Variants in KCTD8 observed in about 807,000 individuals in gnomAD.
KCTD8 encodes BTB/POZ domain-containing protein KCTD8.
A neutral mutation model predicts 31.5 loss-of-function variants in KCTD8; 27 were observed. The observed-to-expected ratio is 0.86, with a 90% confidence interval of 0.63 to 1.18. The LOEUF (loss-of-function observed/expected upper bound fraction) is 1.18. Among genes scored for constraint, KCTD8 ranks in the 50% most tolerant of loss-of-function variants. The pLI is 0.00. For missense variants in KCTD8, 658 were observed against 647.7 expected, an observed-to-expected ratio of 1.02 and a Z score of -0.17; for synonymous variants, 290 against 280.0, an observed-to-expected ratio of 1.04 and a Z score of -0.36.
intron 1 of KCTD8, among the ~76,000 whole-genome samples, chr4:44,247,650 T>C (rs1456774239): frequency 1.3e-5 from 2 of 151,892 alleles, no homozygotes; most frequent in East Asian, 1.9e-4. Flanking sequence ...GCAATCACCA[T>C]TGTACCCTCT....
At chr4:44,357,347 C>A (rs1427532676) in intron 1 of KCTD8, among the ~76,000 whole-genome samples, 1 of 152,122 alleles carries the variant, frequency 6.6e-6, no homozygotes, top group Non-Finnish European at 1.5e-5. Flanking sequence ...GTTACCAAAC[C>A]ACTGGCATCA....
chr4:44,206,676 A>G (rs1186296399), intron 1 of KCTD8, among the ~76,000 whole-genome samples: 3 of 152,056 alleles, frequency 2.0e-5, no homozygotes, highest in African/African-American at 7.2e-5. Flanking sequence ...TACCCCAATG[A>G]GATTGAAAGC....
chr4:44,437,550 G>T (rs1721696552), intron 1 of KCTD8, among the ~76,000 whole-genome samples: 1 of 151,738 alleles, frequency 6.6e-6, no homozygotes, highest in Non-Finnish European at 1.5e-5. Context: ...GATTTTTTTT[G>T]AAAATCGTTA....
rs183294376 is a variant in KCTD8, at chr4:44,211,402, T to C, written c.962-36152A>G. Reference sequence around the variant, plus strand: ...ACACATATATAATATCTGGTCTGGGTTTTTTTGTATTTTAGTTTAATAAAA... The same window carrying C: ...ACACATATATAATATCTGGTCTGGGCTTTTTTGTATTTTAGTTTAATAAAA... On this transcript the variant is annotated intron_variant, in intron 1 of 1. Coordinates refer to ENST00000360029, the MANE Select transcript of KCTD8 (RefSeq NM_198353.3). 3.7e-3 allele frequency among the ~76,000 whole-genome samples: 563 copies of C among 152,270 alleles called. 2 individuals are homozygous for C. The highest frequency in any genetic ancestry group is 6.5e-3 in the Non-Finnish European group (441 of 68,006).
intron 1 of KCTD8, among the ~76,000 whole-genome samples, chr4:44,220,026 G>T (rs571371863): frequency 6.6e-6 from 1 of 152,270 alleles, no homozygotes. Context: ...AAGTAATGGT[G>T]GGGATCTGAA....
At chr4:44,338,706 T>A (rs1718818597) in intron 1 of KCTD8, among the ~76,000 whole-genome samples, 1 of 152,204 alleles carries the variant, frequency 6.6e-6, no homozygotes, top group African/African-American at 2.4e-5. Flanking sequence ...AAATTTGTGA[T>A]AAATAATTTA....
At chr4:44,268,826 C>T (rs1457133964) in intron 1 of KCTD8, among the ~76,000 whole-genome samples, 1 of 151,760 alleles carries the variant, frequency 6.6e-6, no homozygotes, top group Non-Finnish European at 1.5e-5. Context: ...AGGAATCCAA[C>T]TTACAAGGGA....
intron 1 of KCTD8, among the ~76,000 whole-genome samples, chr4:44,273,655 C>G (rs899458421): frequency 6.6e-6 from 1 of 152,008 alleles, no homozygotes; most frequent in East Asian, 1.9e-4. Context: ...ATTTTTCCCA[C>G]TGACAATTGG....
chr4:44,414,728 C>T (rs552813506), intron 1 of KCTD8, among the ~76,000 whole-genome samples: 1 of 152,230 alleles, frequency 6.6e-6, no homozygotes, highest in Non-Finnish European at 1.5e-5. Context: ...TGTTTATCCC[C>T]TCAAAATCTC....
At chr4:44,345,732 T>C (rs1407058203) in intron 1 of KCTD8, among the ~76,000 whole-genome samples, 1 of 152,180 alleles carries the variant, frequency 6.6e-6, no homozygotes, top group Non-Finnish European at 1.5e-5. Flanking sequence ...GTTTGTTTGC[T>C]TGCTTGTTTG....
At position 44,448,018 on chromosome 4, in the gene KCTD8, A is replaced by T; in HGVS notation, c.506T>A (p.Val169Asp). The change falls in exon 1 of 2, where the codon GTC becomes GAC. Residue 169 changes from valine to aspartate, a missense_variant. By Grantham distance (152) the Val-to-Asp change is radical. Coordinates refer to ENST00000360029, the MANE Select transcript of KCTD8 (RefSeq NM_198353.3). The surrounding 1 kb of genome is among the most constrained non-coding windows in gnomAD (Gnocchi z 4.1). ...CAGCGCGTCGCTGCTACCCTGCGAG[A>T]CGTTGTCCTCCAGGTCGCTCTGGCA... is the stretch of plus-strand genomic sequence containing the variant. Reference protein sequence around the residue: ...EGCQSDLEDNVSQGSSDALLL... With the variant: ...EGCQSDLEDNDSQGSSDALLL... 1 of 1,600,844 alleles carries T rather than the reference A, an allele frequency of 6.2e-7. No individual in the cohort carries two copies. Among genetic ancestry groups the T allele is most frequent in the Non-Finnish European group, 8.5e-7 (1 of 1,174,034 alleles).
intron 1 of KCTD8, among the ~76,000 whole-genome samples, chr4:44,223,722 A>C (rs6447326): frequency 0.48 from 72,917 of 151,972 alleles, 17,749 homozygotes; most frequent in African/African-American, 0.56. Flanking sequence ...ACATGTGTCA[A>C]ATTCCTTTCT....
chr4:44,414,147 A>G (rs1021023311), intron 1 of KCTD8, among the ~76,000 whole-genome samples: 2 of 152,102 alleles, frequency 1.3e-5, no homozygotes, highest in Non-Finnish European at 2.9e-5. Context: ...ATTTGTGGCA[A>G]TTTGTTTATA....
At chr4:44,324,345 T>G (rs1718387421) in intron 1 of KCTD8, among the ~76,000 whole-genome samples, 2 of 152,024 alleles carry the variant, frequency 1.3e-5, no homozygotes, top group South Asian at 4.1e-4. Context: ...TGACTAACTC[T>G]TTTTTGATGG....
chr4:44,203,883 G>C (rs1714224307), intron 1 of KCTD8, among the ~76,000 whole-genome samples: 1 of 151,268 alleles, frequency 6.6e-6, no homozygotes, highest in African/African-American at 2.4e-5. Context: ...ACAAAAAATA[G>C]AAAACATGAA....
intron 1 of KCTD8, among the ~76,000 whole-genome samples, chr4:44,426,478 AAG>A (rs1307446825): frequency 1.3e-5 from 2 of 151,686 alleles, no homozygotes; most frequent in African/African-American, 4.8e-5. Flanking sequence ...GAAAAAGAGA[AAG>A]AGAGAGATAA....
chr4:44,397,851 A>G (rs922382267), intron 1 of KCTD8, among the ~76,000 whole-genome samples: 1 of 152,124 alleles, frequency 6.6e-6, no homozygotes, highest in Non-Finnish European at 1.5e-5. Context: ...CTTTCAAGTA[A>G]AATTTATTAC....
chr4:44,212,788 A>T (rs2109344256), intron 1 of KCTD8, among the ~76,000 whole-genome samples: 1 of 152,330 alleles, frequency 6.6e-6, no homozygotes, highest in Admixed American at 6.5e-5. Flanking sequence ...CTCATCTAAA[A>T]GTCTATAAAT....
chr4:44,331,005 G>A (rs1017453885), intron 1 of KCTD8, among the ~76,000 whole-genome samples: 1 of 151,702 alleles, frequency 6.6e-6, no homozygotes, highest in African/African-American at 2.4e-5. Flanking sequence ...GATACTTTAT[G>A]AGAAGACAGG....
Sources: allele counts gnomAD v4.1 joint callset (sites outside exome capture counted in the v4.1 genomes callset), GRCh38; gene constraint gnomAD v4.1.1; non-coding constraint Gnocchi (gnomAD v3.1); transcripts MANE v1.5; gene names NCBI Gene and HGNC (gene_info 2026-07-23, HGNC 2026-07-21).